Variants in IQCJ observed in about 807,000 individuals in gnomAD.
IQCJ encodes IQ motif containing J.
IQCJ carries 9 observed loss-of-function variants against 11.0 expected under a neutral mutation model. That is an observed-to-expected ratio of 0.82 (90% confidence interval 0.49 to 1.43). IQCJ has a LOEUF of 1.43. Among genes scored for constraint, IQCJ ranks in the 40% most tolerant of loss-of-function variants. The pLI is 0.00. For synonymous variants in IQCJ, 55 were observed against 51.3 expected (o/e 1.07, Z -0.31); for missense variants, 146 against 133.2 (o/e 1.10, Z -0.47).
chr3:159,243,597 C>T (rs949271937), intron 1 of IQCJ, among the ~76,000 whole-genome samples: 3 of 152,120 alleles, frequency 2.0e-5, no homozygotes, highest in African/African-American at 7.2e-5. Flanking sequence ...ACAGGGGTGC[C>T]TTTGGGAGAG....
At chr3:159,167,723 AACAGACATAATCCCT>A in intron 1 of IQCJ, among the ~76,000 whole-genome samples, 1 of 152,326 alleles carries the variant, frequency 6.6e-6, no homozygotes, top group East Asian at 1.9e-4. Flanking sequence ...AAGGAAGCAA[AACAGACATAATCCCT>A]ACCTTTATGT....
chr3:159,261,873 C>A (rs544968350), intron 3 of IQCJ, among the ~76,000 whole-genome samples: 2 of 152,216 alleles, frequency 1.3e-5, no homozygotes, highest in Non-Finnish European at 2.9e-5. Flanking sequence ...CTGAGTAGTA[C>A]GTAACACTTG....
rs149464337 is a variant in IQCJ, at chr3:159,123,864, C to T, written c.9+54423C>T. Among the ~76,000 whole-genome samples, 976 of 152,222 alleles carry T rather than the reference C, an allele frequency of 6.4e-3. 7 individuals are homozygous for T. The highest frequency in any genetic ancestry group is 0.01 in the Non-Finnish European group (700 of 68,012). Reference sequence around the variant, plus strand: ...GAATTAGGAACTTCATCTAGATTTTCGCTCTGAGCTATGGGAATATTAGAG... The same window carrying T: ...GAATTAGGAACTTCATCTAGATTTTTGCTCTGAGCTATGGGAATATTAGAG... On this transcript the variant is annotated intron_variant, in intron 1 of 3. Transcript: ENST00000397832.
At chr3:159,217,104 A>G (rs750038634) in intron 1 of IQCJ, among the ~76,000 whole-genome samples, 4 of 152,160 alleles carry the variant, frequency 2.6e-5, no homozygotes, top group Non-Finnish European at 5.9e-5. Context: ...CACAGGTTGC[A>G]CATTATCACC....
At chr3:159,255,367 A>C (rs1056417016) in intron 3 of IQCJ, among the ~76,000 whole-genome samples, 2 of 152,130 alleles carry the variant, frequency 1.3e-5, no homozygotes, top group African/African-American at 4.8e-5. Flanking sequence ...GTGGCAAGGC[A>C]ATCTCTGAAT....
intron 1 of IQCJ, among the ~76,000 whole-genome samples, chr3:159,078,238 G>A (rs994445614): frequency 4.1e-5 from 6 of 144,658 alleles, no homozygotes; most frequent in Non-Finnish European, 7.8e-5. Flanking sequence ...TTTACATTAA[G>A]GTTTGTCTGT....
chr3:159,178,432 A>G (rs1722909440), intron 1 of IQCJ, among the ~76,000 whole-genome samples: 1 of 152,246 alleles, frequency 6.6e-6, no homozygotes, highest in Admixed American at 6.5e-5. Context: ...TCCTTCGATC[A>G]GCCCAGAAGT....
chr3:159,132,958 C>T (rs1301568975), intron 1 of IQCJ, among the ~76,000 whole-genome samples: 3 of 134,792 alleles, frequency 2.2e-5, no homozygotes, highest in Non-Finnish European at 1.7e-5. Flanking sequence ...TTCTTCCTTT[C>T]TTTGTTTTGA....
intron 1 of IQCJ, among the ~76,000 whole-genome samples, chr3:159,162,162 A>G (rs1721902073): frequency 6.6e-6 from 1 of 152,160 alleles, no homozygotes; most frequent in Non-Finnish European, 1.5e-5. Flanking sequence ...CCTACCCATG[A>G]GCATGGAATG....
chr3:159,161,395 A>T (rs371835078), intron 1 of IQCJ, among the ~76,000 whole-genome samples: 4 of 151,784 alleles, frequency 2.6e-5, no homozygotes, highest in Non-Finnish European at 5.9e-5. Flanking sequence ...TTTTCTTGTA[A>T]ATTTGTTTGA....
At position 159,205,089 on chromosome 3, in the gene IQCJ, T is replaced by C. The variant is rs140139025; in HGVS notation, c.10-40754T>C. ...GTCTCTCTGCAAGGAGTTTGGCCAA[T>C]TGCAAAGACAGAAGGAAGAATTCCC... On this transcript the variant is annotated intron_variant, in intron 1 of 3. Coordinates refer to ENST00000397832, the MANE Select transcript of IQCJ (RefSeq NM_001042706.3). Among the ~76,000 whole-genome samples the C allele has an allele frequency of 3.2e-3, 491 of 152,138 alleles. 1 individual carries two copies. The highest frequency in any genetic ancestry group is 0.011 in the African/African-American group (455 of 41,510).
Position 159,262,741 on chromosome 3 carries a change from C to T in IQCJ, c.*10C>T. 6.2e-7 allele frequency: 1 copy of T among 1,610,600 alleles called. No homozygotes were observed. On this transcript the variant is annotated 3_prime_UTR_variant, in exon 4 of 4. Transcript: ENST00000397832. ...CTTGACATTCAACTGAAAGCCTAGA[C>T]TTTGGTTCTAAGAGAGAAATCTTGG...
At chr3:159,200,080 TATGTATGTATGTGTTTATACATAA>T (rs1724228664) in intron 1 of IQCJ, among the ~76,000 whole-genome samples, 4 of 140,586 alleles carry the variant, frequency 2.8e-5, no homozygotes, top group South Asian at 2.4e-4. Context: ...TGTGTGCATA[TATGTATGTATGTGTTTATACATAA>T]ATATATATAT....
At chr3:159,175,259 C>T (rs192364606) in intron 1 of IQCJ, among the ~76,000 whole-genome samples, 44 of 152,210 alleles carry the variant, frequency 2.9e-4, no homozygotes, top group Admixed American at 1.2e-3. Flanking sequence ...ATCACTTGAG[C>T]CCAGGCATTC....
chr3:159,188,908 C>T (rs1214332559), intron 1 of IQCJ, among the ~76,000 whole-genome samples: 3 of 152,150 alleles, frequency 2.0e-5, no homozygotes, highest in Non-Finnish European at 2.9e-5. Context: ...CCTTCATGAG[C>T]ATTTATACCT....
At chr3:159,126,156 A>G (rs1278287883) in intron 1 of IQCJ, among the ~76,000 whole-genome samples, 1 of 152,194 alleles carries the variant, frequency 6.6e-6, no homozygotes, top group Non-Finnish European at 1.5e-5. Flanking sequence ...TGGCAGTGTG[A>G]AGTCAGAGTG....
intron 2 of IQCJ, among the ~76,000 whole-genome samples, chr3:159,251,216 G>GA (rs1037630445): frequency 1.3e-5 from 2 of 151,788 alleles, no homozygotes; most frequent in South Asian, 2.1e-4. Flanking sequence ...TTTCTAAAAA[G>GA]AAAAAAATAC....
intron 1 of IQCJ, among the ~76,000 whole-genome samples, chr3:159,242,247 A>T (rs891506433): frequency 4.6e-5 from 7 of 152,216 alleles, no homozygotes; most frequent in African/African-American, 1.7e-4. Flanking sequence ...TTTGGATTTC[A>T]TTCCAAAAGT....
At position 159,251,205 on chromosome 3, in the gene IQCJ, C is replaced by A. The variant is rs1232576738; in HGVS notation, c.75-1522C>A. ...TGTTTTCCCTACCGCCAGGACATTC[C>A]TTTCTAAAAAGAAAAAAATACATTT... On this transcript the variant is annotated intron_variant, in intron 2 of 3. Transcript: ENST00000397832. Among the ~76,000 whole-genome samples, 11 of 152,142 alleles carry A rather than the reference C, an allele frequency of 7.2e-5. No homozygotes were observed. In the South Asian group the frequency reaches 2.1e-3, roughly 29 times the overall value.
Sources: gnomAD v4.1 joint callset for allele counts (sites outside exome capture counted in the v4.1 genomes callset) on GRCh38, gnomAD v4.1.1 for gene constraint, MANE v1.5 for transcripts, NCBI Gene and HGNC (gene_info 2026-07-23, HGNC 2026-07-21) for gene names.